NLRP13: variants seen among roughly 807,000 people sequenced by gnomAD.
The protein encoded by NLRP13 is NACHT, LRR and PYD domains-containing protein 13.
NLRP13 carries 82 observed loss-of-function variants against 94.4 expected under a neutral mutation model. That is an observed-to-expected ratio of 0.87 (90% CI 0.73 to 1.04). NLRP13 has a LOEUF of 1.04. NLRP13 is among the 50% of genes least tolerant of loss of function. The pLI is 0.00. For synonymous variants in NLRP13, 553 were observed against 464.7 expected, an observed-to-expected ratio of 1.19 and a Z score of -2.45; for missense variants, 1,426 against 1,230.8, an observed-to-expected ratio of 1.16 and a Z score of -2.37.
chr19:55,920,684 A>T (rs1242648166), intron 4 of NLRP13, among the ~76,000 whole-genome samples: 1 of 152,178 alleles, frequency 6.6e-6, no homozygotes, highest in Non-Finnish European at 1.5e-5. Flanking sequence ...ATATCTATGA[A>T]AATATTAGGA....
At chr19:55,910,777 T>C in intron 5 of NLRP13, 44 bp from the exon 6 acceptor site, 2 of 1,493,282 alleles carry the variant, frequency 1.3e-6, no homozygotes, top group Non-Finnish European at 1.8e-6. Context: ...CAAATTAGCC[T>C]CAAGCAATAC....
At chr19:55,925,228 C>T (rs1986939758) in intron 1 of NLRP13, among the ~76,000 whole-genome samples, 193 bp from the exon 2 acceptor site, 1 of 152,226 alleles carries the variant, frequency 6.6e-6, no homozygotes, top group Admixed American at 6.5e-5. Context: ...ACAGCACACG[C>T]TAAGCACATT....
intron 5 of NLRP13, 141 bp downstream of exon 5, chr19:55,911,565 G>A: frequency 2.6e-6 from 2 of 763,366 alleles, no homozygotes; most frequent in South Asian, 3.7e-5. Context: ...ATTCTTTCAA[G>A]TTAGAGCTGC....
intron 3 of NLRP13, 68 bp from the exon 4 acceptor site, chr19:55,924,047 C>T: frequency 8.0e-7 from 1 of 1,252,132 alleles, no homozygotes; most frequent in Non-Finnish European, 1.2e-6. Flanking sequence ...ATGATAAAGA[C>T]TCTCAGTAGA....
At chr19:55,894,042 ACTT>A (rs1418543899), downstream of NLRP13, among the ~76,000 whole-genome samples, 32 of 90,380 alleles carry the variant, frequency 3.5e-4, no homozygotes, top group African/African-American at 1.4e-3. Flanking sequence ...CCATGCCCCA[ACTT>A]TTTTTTTTTT....
chr19:55,912,302 G>C lies in NLRP13; in HGVS notation c.1515C>G (p.Ile505Met). Residue 505 changes from isoleucine (I) to methionine (M), a missense_variant, in exon 5 of 11, where the codon ATC becomes ATG. By Grantham distance (10) the Ile-to-Met change is conservative (BLOSUM62 1). Transcript: ENST00000342929. ...CAATGAAAGGCACTTCCAGGCCCTC[G>C]ATCTCAGTGTCTTCTTTGTTAAACG... ...NFTFNKEDTE[I>M]EGLEVPFIDS... 6.2e-7 allele frequency: 1 copy of C among 1,613,800 alleles called. No homozygotes were observed. Among genetic ancestry groups the C allele is most frequent in the Non-Finnish European group, 8.5e-7 (1 of 1,179,934 alleles).
intron 4 of NLRP13, among the ~76,000 whole-genome samples, chr19:55,917,241 G>A (rs1028879964): frequency 2.0e-5 from 3 of 151,948 alleles, no homozygotes; most frequent in Non-Finnish European, 4.4e-5. Flanking sequence ...AACTAAAAAG[G>A]TTGATACTTG....
rs189970021 is a variant in NLRP13, at chr19:55,913,313, G to A, written c.524-20C>T. On this transcript the variant is annotated intron_variant, in intron 4 of 10. Transcript: ENST00000342929. ...TGTGGTCTAGAGAGGGCGGAGTGGG[G>A]AGAAGAATGGTAAGAATAAATTTCA... 6.3e-7 allele frequency: 1 copy of A among 1,599,510 alleles called. No homozygotes were observed. The highest frequency in any genetic ancestry group is 1.1e-5 in the South Asian group (1 of 89,480).
chr19:55,910,871 C>A, intron 5 of NLRP13, 138 bp from the exon 6 acceptor site: 1 of 653,802 alleles, frequency 1.5e-6, no homozygotes, highest in South Asian at 2.6e-5. Flanking sequence ...CAGTGGCTCA[C>A]GCCTGTAATC....
Position 55,912,936 on chromosome 19 carries a change from G to A in NLRP13, c.881C>T (p.Ala294Val), listed in dbSNP as rs747136573. ...LISLDWPDFDAPIEEFMSQPE... is the reference protein window; with the variant it reads ...LISLDWPDFDVPIEEFMSQPE... ...TTGAGACATGAACTCTTCAATGGGG[G>A]CATCAAAATCGGGCCAATCCAAAGA... Residue 294 changes from alanine (A) to valine (V), a missense_variant, in exon 5 of 11, where the codon GCC (alanine) becomes GTC (valine). Physicochemically the swap from Ala to Val is moderately conservative, Grantham distance 64 (BLOSUM62 0). Coordinates refer to ENST00000342929, the MANE Select transcript of NLRP13 (RefSeq NM_176810.2). 13 of 1,613,852 alleles carry A rather than the reference G, an allele frequency of 8.1e-6. No individual in the cohort carries two copies. The highest frequency in any genetic ancestry group is 3.3e-4 in the Middle Eastern group (2 of 6,082).
intron 7 of NLRP13, among the ~76,000 whole-genome samples, chr19:55,906,953 G>A (rs1446731051): frequency 1.7e-5 from 2 of 114,352 alleles, no homozygotes; most frequent in African/African-American, 3.7e-5. Flanking sequence ...GAGTTCCTGG[G>A]ATCTGTATTA....
At position 55,912,325 on chromosome 19, in the gene NLRP13, A is replaced by T; in HGVS notation, c.1492T>A (p.Phe498Ile). 1 of 1,614,104 alleles carries T rather than the reference A, an allele frequency of 6.2e-7. No homozygotes were observed. The highest frequency in any genetic ancestry group is 8.5e-7 in the Non-Finnish European group (1 of 1,180,008). ...IEGLWSMNFT[F>I]NKEDTEIEGL... Reference sequence around the variant, plus strand: ...TCGATCTCAGTGTCTTCTTTGTTAAACGTGAAGTTCATAGACCACAGCCCT... The same window carrying T: ...TCGATCTCAGTGTCTTCTTTGTTAATCGTGAAGTTCATAGACCACAGCCCT... The change falls in exon 5 of 11, where the codon TTT becomes ATT. Residue 498 changes from phenylalanine (F) to isoleucine (I), a missense_variant. Coordinates refer to ENST00000342929, the MANE Select transcript of NLRP13 (RefSeq NM_176810.2).
intron 4 of NLRP13, among the ~76,000 whole-genome samples, chr19:55,920,543 TA>T (rs57159987): frequency 0.025 from 3,740 of 148,366 alleles, 142 homozygotes; most frequent in African/African-American, 0.085. Flanking sequence ...AAGAAACATG[TA>T]AAAAAAAAAT....
intron 4 of NLRP13, among the ~76,000 whole-genome samples, chr19:55,916,135 A>G (rs1986668211): frequency 6.6e-6 from 1 of 152,236 alleles, no homozygotes; most frequent in Non-Finnish European, 1.5e-5. Context: ...CAAGGAATTT[A>G]TAGAGTCTTT....
At chr19:55,910,024 T>G (rs1245172292) in intron 6 of NLRP13, among the ~76,000 whole-genome samples, 3 of 152,154 alleles carry the variant, frequency 2.0e-5, no homozygotes, top group Non-Finnish European at 4.4e-5. Flanking sequence ...GCCACCCTCT[T>G]GGGTCCTATT....
At chr19:55,929,632 G>C (rs1033233667) in intron 1 of NLRP13, among the ~76,000 whole-genome samples, 3 of 152,116 alleles carry the variant, frequency 2.0e-5, no homozygotes, top group Non-Finnish European at 2.9e-5. Context: ...CAGTGGGTGG[G>C]GGGCTAGGGG....
At chr19:55,896,820 C>CAAAAAAAAAAAAAAAAAAAAAAAA in intron 10 of NLRP13, among the ~76,000 whole-genome samples, 1 of 80,912 alleles carries the variant, frequency 1.2e-5, no homozygotes, top group East Asian at 3.5e-4. Flanking sequence ...CTCCATCTCA[C>CAAAAAAAAAAAAAAAAAAAAAAAA]AAAAAAAAAA....
chr19:55,905,168 C>T, intron 7 of NLRP13, 56 bp from the exon 8 acceptor site: 1 of 1,590,362 alleles, frequency 6.3e-7, no homozygotes, highest in Non-Finnish European at 8.6e-7. Flanking sequence ...GGTTCCTCTA[C>T]CTTTCTCTCT....
rs774174204 is a variant in NLRP13 at position 55,932,233 on chromosome 19, AC to A, written c.78del (p.Gln26HisfsTer16). 8.3e-5 allele frequency: 134 copies of A among 1,613,572 alleles called. No individual in the cohort carries two copies. Among genetic ancestry groups the A allele is most frequent in the Non-Finnish European group, 1.1e-4 (129 of 1,179,876 alleles). On this transcript the variant is annotated frameshift_variant, in exon 1 of 11. Coordinates refer to ENST00000342929, the MANE Select transcript of NLRP13 (RefSeq NM_176810.2). LOFTEE classifies it high-confidence loss of function. ...CAAAGCTTGAATTCCTCCAGCTGAT[AC>A]TGATCCAGGGCCATCAGGTAAGGCA... ...GLLPYLMALDQYQLEEFKLCL... is the reference protein window; with the variant it reads ...GLLPYLMALDXYQLEEFKLCL...
Sources: allele counts gnomAD v4.1 joint callset (sites outside exome capture counted in the v4.1 genomes callset), GRCh38; gene constraint gnomAD v4.1.1; transcripts MANE v1.5; gene names NCBI Gene and HGNC (gene_info 2026-07-23, HGNC 2026-07-21).